Variants in SFR1 observed in about 807,000 individuals in gnomAD.
The protein encoded by SFR1 is swi5-dependent recombination DNA repair protein 1 homolog.
Under a neutral mutation model 26.2 loss-of-function variants are expected in SFR1, and 24 were observed. That is an observed-to-expected ratio of 0.92 (90% confidence interval 0.66 to 1.29). SFR1 has a LOEUF of 1.29. Among genes scored for constraint, SFR1 ranks in the 50% most tolerant of loss-of-function variants. The pLI, the probability that SFR1 is intolerant of heterozygous loss-of-function variation, is 0.00. For missense variants in SFR1, 276 were observed against 270.2 expected, an observed-to-expected ratio of 1.02 and a Z score of -0.15; for synonymous variants, 77 against 96.6, an observed-to-expected ratio of 0.80 and a Z score of 1.19.
At chr10:104,120,748 T>C (rs1039229528), upstream of SFR1, among the ~76,000 whole-genome samples, 1 of 152,204 alleles carries the variant, frequency 6.6e-6, no homozygotes, top group African/African-American at 2.4e-5. Context: ...AAGAAGCACA[T>C]AAAGTATGGT....
At position 104,125,858 on chromosome 10, in the gene SFR1, C is replaced by G; in HGVS notation, c.*154C>G. 1.0e-5 allele frequency: 5 copies of G among 489,642 alleles called. No homozygotes were observed. Among genetic ancestry groups the G allele is most frequent in the Non-Finnish European group, 1.8e-5 (5 of 276,690 alleles). 30.3% of individuals were successfully genotyped at this position (489,642 alleles called of 1,614,324 possible). A position where few individuals can be genotyped will look rare whatever the true frequency, so the allele number is the denominator to read the frequency against. ...TTGACTCACTGCAACCTCTGCCTCT[C>G]GGGTTCCAGCAATTCTCCTGCCTCA... is the stretch of plus-strand genomic sequence containing the variant. On this transcript the variant is annotated 3_prime_UTR_variant, in exon 4 of 4. Transcript: ENST00000369727.
At position 104,122,262 on chromosome 10, in the gene SFR1, C is replaced by T. The variant is rs768142219; in HGVS notation, c.13+66C>T. On this transcript the variant is annotated intron_variant, in intron 1 of 3. Coordinates refer to ENST00000369727, the MANE Select transcript of SFR1 (RefSeq NM_001002759.2). ...CTTCCCCGGGAGTCGGCTGTGGAGT[C>T]GAGTTGAGCTCCCTTTCCGGGTCTG... The T allele has an allele frequency of 6.8e-4, 1,013 of 1,485,322 alleles. 1 individual carries two copies. Among genetic ancestry groups the T allele is most frequent in the Non-Finnish European group, 9.0e-4 (999 of 1,112,234 alleles). 92.0% of individuals were successfully genotyped at this position (1,485,322 alleles called of 1,614,324 possible). A position where few individuals can be genotyped will look rare whatever the true frequency, so the allele number is the denominator to read the frequency against.
At chr10:104,121,407 C>G (rs934872978), upstream of SFR1, among the ~76,000 whole-genome samples, 9 of 152,156 alleles carry the variant, frequency 5.9e-5, no homozygotes, top group African/African-American at 2.2e-4. Flanking sequence ...TAGCGATGAG[C>G]TCAGCTAAAG....
chr10:104,124,068 C>A lies in SFR1; in HGVS notation c.490C>A (p.Gln164Lys), dbSNP rs767193363. 1.2e-6 allele frequency: 2 copies of A among 1,613,712 alleles called. No individual in the cohort carries two copies. The highest frequency in any genetic ancestry group is 2.2e-5 in the East Asian group (1 of 44,832). ...AAAAGCCAAATTGGTGAAGCAGGTTCAGGAGAAAGAAGACCTTCTTCGGAG... is the reference window on the plus strand; with the variant it reads ...AAAAGCCAAATTGGTGAAGCAGGTTAAGGAGAAAGAAGACCTTCTTCGGAG... Reference protein sequence around the residue: ...AEKAKLVKQVQEKEDLLRRLK... With the variant: ...AEKAKLVKQVKEKEDLLRRLK... Residue 164 changes from glutamine to lysine, a missense_variant, in exon 3 of 4, where the codon CAG (glutamine) becomes AAG (lysine). Gln to Lys is a moderately conservative substitution (Grantham distance 53). Coordinates refer to ENST00000369727, the MANE Select transcript of SFR1 (RefSeq NM_001002759.2).
At position 104,125,563 on chromosome 10, in the gene SFR1, C is replaced by G. The variant is rs1408915972; in HGVS notation, c.597C>G (p.Ser199Arg). The G allele has an allele frequency of 6.2e-7, 1 of 1,613,464 alleles. No homozygotes were observed. The highest frequency in any genetic ancestry group is 1.1e-5 in the South Asian group (1 of 91,022). ...QLLIKKWRSC[S>R]QLLLYELQSA... Reference sequence around the variant, plus strand: ...TAATAAAGAAGTGGAGAAGCTGTAGCCAGCTCTTGCTTTATGAGTTGCAGT... The same window carrying G: ...TAATAAAGAAGTGGAGAAGCTGTAGGCAGCTCTTGCTTTATGAGTTGCAGT... The change falls in exon 4 of 4, where the codon AGC (serine) becomes AGG (arginine). Residue 199 changes from serine to arginine, a missense_variant. Coordinates refer to ENST00000369727, the MANE Select transcript of SFR1 (RefSeq NM_001002759.2).
Position 104,125,766 on chromosome 10 carries a change from A to G in SFR1, c.*62A>G. The G allele has an allele frequency of 9.1e-7, 1 of 1,097,054 alleles. No individual in the cohort carries two copies. The highest frequency in any genetic ancestry group is 1.3e-6 in the Non-Finnish European group (1 of 796,364). 68.0% of individuals were successfully genotyped at this position (1,097,054 alleles called of 1,614,324 possible). On this transcript the variant is annotated 3_prime_UTR_variant, in exon 4 of 4. Coordinates refer to ENST00000369727, the MANE Select transcript of SFR1 (RefSeq NM_001002759.2). ...CAACTTAATTAAAAGATACTTAGGC[A>G]CTTTTTTTTTTTTTTTGAGACTGAG...
At chr10:104,121,204 T>C (rs1042283468), upstream of SFR1, among the ~76,000 whole-genome samples, 4 of 152,080 alleles carry the variant, frequency 2.6e-5, no homozygotes, top group South Asian at 4.2e-4. Flanking sequence ...CACAATCTCA[T>C]GTAGTGATTG....
intron 3 of SFR1, among the ~76,000 whole-genome samples, chr10:104,125,081 G>T (rs1564697489): frequency 6.6e-6 from 1 of 152,172 alleles, no homozygotes; most frequent in South Asian, 2.1e-4. Flanking sequence ...GGGATCCCAG[G>T]TGTGAGCCAC....
rs369652477 is a variant in SFR1 at position 104,122,999 on chromosome 10, T to A, written c.48T>A (p.Ser16Arg). The A allele has an allele frequency of 8.7e-6, 14 of 1,613,838 alleles. No homozygotes were observed. In the African/African-American group the frequency reaches 1.5e-4, roughly 17 times the overall value. ...KNQDFTFKME[S>R]PSDSAVVLPS... Reference sequence around the variant, plus strand: ...AAGATTTCACTTTCAAGATGGAAAGTCCGTCAGACTCAGCTGTGGTTTTAC... The same window carrying A: ...AAGATTTCACTTTCAAGATGGAAAGACCGTCAGACTCAGCTGTGGTTTTAC... The change falls in exon 2 of 4, where the codon AGT (serine) becomes AGA (arginine). Residue 16 changes from serine to arginine, a missense_variant. By Grantham distance (110) the Ser-to-Arg change is moderately radical. Coordinates refer to ENST00000369727, the MANE Select transcript of SFR1 (RefSeq NM_001002759.2).
Position 104,123,830 on chromosome 10 carries a change from A to G in SFR1, c.252A>G (p.Ser84=). Residue 84 remains serine, a synonymous_variant, in exon 3 of 4, where the codon TCA becomes TCG. Transcript: ENST00000369727. ...VESEENDQTF[S]EKPASSTEEN... is the part of the protein sequence containing the mutation. The stretch of plus-strand genomic sequence containing the variant: ...GTGAAGAAAATGATCAGACCTTTTC[A>G]GAGAAACCAGCATCTTCCACAGAGG... 4.3e-6 allele frequency: 7 copies of G among 1,613,082 alleles called. No individual in the cohort carries two copies. The highest frequency in any genetic ancestry group is 5.9e-6 in the Non-Finnish European group (7 of 1,179,948).
In SFR1 at chr10:104,122,258, G is replaced by C. The variant is rs561273443; in HGVS notation, c.13+62G>C. The C allele has an allele frequency of 9.9e-5, 148 of 1,489,856 alleles. 2 individuals carry two copies. The South Asian group carries it at 1.8e-3, about 18-fold the overall frequency. 92.3% of individuals were successfully genotyped at this position (1,489,856 alleles called of 1,614,324 possible). ...TGGGCTTCCCCGGGAGTCGGCTGTG[G>C]AGTCGAGTTGAGCTCCCTTTCCGGG... On this transcript the variant is annotated intron_variant, in intron 1 of 3. Transcript: ENST00000369727.
At position 104,124,093 on chromosome 10, in the gene SFR1, G is replaced by A. The variant is rs780719428; in HGVS notation, c.515G>A (p.Arg172Lys). ...QVQEKEDLLR[R>K]LKLVKMYRSK... ...CAGGAGAAAGAAGACCTTCTTCGGAGGCTAAAACTAGTCAAAATGTATAGA... is the reference window on the plus strand; with the variant it reads ...CAGGAGAAAGAAGACCTTCTTCGGAAGCTAAAACTAGTCAAAATGTATAGA... Residue 172 changes from arginine to lysine, a missense_variant, in exon 3 of 4, where the codon AGG (arginine) becomes AAG (lysine). Coordinates refer to ENST00000369727, the MANE Select transcript of SFR1 (RefSeq NM_001002759.2). 1.9e-6 allele frequency: 3 copies of A among 1,609,986 alleles called. No homozygotes were observed. Among genetic ancestry groups the A allele is most frequent in the Non-Finnish European group, 2.5e-6 (3 of 1,178,848 alleles).
intron 3 of SFR1, among the ~76,000 whole-genome samples, chr10:104,124,817 T>C (rs1313413020): frequency 2.0e-5 from 3 of 152,210 alleles, no homozygotes; most frequent in African/African-American, 7.2e-5. Flanking sequence ...ATTCTTTTTT[T>C]AGAGACATGG....
Position 104,125,494 on chromosome 10 carries a change from G to GTTT in SFR1, c.547-12_547-10dup. On this transcript the variant is annotated intron_variant, in intron 3 of 3. Coordinates refer to ENST00000369727, the MANE Select transcript of SFR1 (RefSeq NM_001002759.2). ...AGCATGACTAGTTATTGACATACAT[G>GTTT]TTTTTTTTTCTGTTTCAGAATGATC... is the stretch of plus-strand genomic sequence containing the variant. The GTTT allele has an allele frequency of 1.3e-6, 2 of 1,544,324 alleles. No homozygotes were observed. The highest frequency in any genetic ancestry group is 1.9e-5 in the Admixed American group (1 of 52,760).
In SFR1 at chr10:104,122,467, G is replaced by A; in HGVS notation, c.13+271G>A. 3.0e-6 allele frequency: 3 copies of A among 985,458 alleles called. No individual in the cohort carries two copies. The South Asian group carries it at 1.4e-4, about 46-fold the overall frequency. The allele number at this position is 985,458 out of a possible 1,614,324, so 61.0% of individuals were successfully genotyped here. ...TCCCTGTTGGCCGCTTAAACTAAAA[G>A]GCTACAGACGGGCTTAAATGCGTCT... is the stretch of plus-strand genomic sequence containing the variant. On this transcript the variant is annotated intron_variant, in intron 1 of 3. Transcript: ENST00000369727.
chr10:104,121,992 G>A (rs1055500577), upstream of SFR1: 3 of 600,076 alleles, frequency 5.0e-6, no homozygotes, highest in Non-Finnish European at 8.8e-6. Flanking sequence ...TGTGGGCCAA[G>A]CCCCGCCCCA....
At position 104,122,500 on chromosome 10, in the gene SFR1, GTTTC is replaced by G. The variant is rs1174071694; in HGVS notation, c.13+307_13+310del. 3.0e-6 allele frequency: 3 copies of G among 985,286 alleles called. No individual in the cohort carries two copies. The African/African-American group carries it at 5.2e-5, about 17-fold the overall frequency. 61.0% of individuals were successfully genotyped at this position (985,286 alleles called of 1,614,324 possible). On this transcript the variant is annotated intron_variant, in intron 1 of 3. Coordinates refer to ENST00000369727, the MANE Select transcript of SFR1 (RefSeq NM_001002759.2). ...ACGGGCTTAAATGCGTCTCCGCTGTGTTTCTTATGCCTCGGGCCGGCAGGGTAAC... is the reference window on the plus strand; with the variant it reads ...ACGGGCTTAAATGCGTCTCCGCTGTGTTATGCCTCGGGCCGGCAGGGTAAC...
At chr10:104,120,398 T>TA (rs938612703), upstream of SFR1, among the ~76,000 whole-genome samples, 2 of 152,222 alleles carry the variant, frequency 1.3e-5, no homozygotes, top group African/African-American at 4.8e-5. Flanking sequence ...TATGTAATTT[T>TA]AAAAAATTTT....
intron 1 of SFR1, 196 bp from the exon 2 acceptor site, chr10:104,122,769 A>G: frequency 6.7e-7 from 1 of 1,492,236 alleles, no homozygotes; most frequent in Non-Finnish European, 8.9e-7. Context: ...ATGTATCATG[A>G]AAAACTTAGT....
Sources: allele counts gnomAD v4.1 joint callset (sites outside exome capture counted in the v4.1 genomes callset), GRCh38; gene constraint gnomAD v4.1.1; transcripts MANE v1.5; gene names NCBI Gene and HGNC (gene_info 2026-07-23, HGNC 2026-07-21).